Variants in FOXP2 observed in about 807,000 individuals in gnomAD.
FOXP2 encodes forkhead box P2.
In FOXP2, 12 loss-of-function variants were observed where a neutral mutation model predicts 115.8. The observed-to-expected ratio is 0.10, with a 90% confidence interval of 0.07 to 0.17. The LOEUF is 0.17. FOXP2 is among the 10% of genes least tolerant of loss of function. The probability of loss-of-function intolerance (pLI) is 1.00; values close to 1 mark genes in which losing one functional copy is unlikely to be tolerated. For missense variants in FOXP2, 629 were observed against 843.5 expected (o/e 0.75, Z 3.15); for synonymous variants, 328 against 297.7 (o/e 1.10, Z -1.05).
chr7:114,199,770 A>C (rs1320047837), intron 1 of FOXP2, among the ~76,000 whole-genome samples: 3 of 152,248 alleles, frequency 2.0e-5, no homozygotes. Context: ...AAAGTTTTAC[A>C]TGTGTAGATG....
At chr7:114,160,782 C>CTGTGTGTGTGTGTGTGTGTG (rs34540150), upstream of FOXP2, among the ~76,000 whole-genome samples, 1 of 147,260 alleles carries the variant, frequency 6.8e-6, no homozygotes, top group African/African-American at 2.5e-5. Flanking sequence ...AGTATATTTT[C>CTGTGTGTGTGTGTGTGTGTG]TGTGTGTGTG....
At chr7:114,330,909 A>T (rs537137764) in intron 2 of FOXP2, among the ~76,000 whole-genome samples, 1 of 152,216 alleles carries the variant, frequency 6.6e-6, no homozygotes, top group South Asian at 2.1e-4. Context: ...TCAAACCCAG[A>T]CTCCTCCTGT....
chr7:114,245,976 AT>A (rs1420335360), intron 1 of FOXP2, among the ~76,000 whole-genome samples: 1 of 152,162 alleles, frequency 6.6e-6, no homozygotes, highest in Non-Finnish European at 1.5e-5. Flanking sequence ...TATAAAGGTG[AT>A]TGTTCTCTGA....
intron 3 of FOXP2, among the ~76,000 whole-genome samples, chr7:114,536,259 A>G (rs1799386760): frequency 6.6e-6 from 1 of 151,512 alleles, no homozygotes; most frequent in African/African-American, 2.4e-5. Flanking sequence ...TCCTAATTCT[A>G]TTTTATCATA....
chr7:114,188,094 A>T (rs1244647937), intron 1 of FOXP2, among the ~76,000 whole-genome samples: 6 of 152,122 alleles, frequency 3.9e-5, no homozygotes. Flanking sequence ...ACAGAATCTC[A>T]TGGCACCCAA....
intron 1 of FOXP2, among the ~76,000 whole-genome samples, chr7:114,264,738 G>A (rs1449618279): frequency 6.6e-6 from 1 of 152,140 alleles, no homozygotes; most frequent in Non-Finnish European, 1.5e-5. Flanking sequence ...GTATAACCAT[G>A]CAACCAACAT....
intron 1 of FOXP2, among the ~76,000 whole-genome samples, chr7:114,124,991 G>A (rs572829424): frequency 1.3e-5 from 2 of 152,186 alleles, no homozygotes; most frequent in Admixed American, 1.3e-4. Flanking sequence ...TTCCAGCAAT[G>A]CACAGCTAGA....
chr7:114,558,371 T>G (rs761486622), intron 3 of FOXP2, among the ~76,000 whole-genome samples: 1 of 152,222 alleles, frequency 6.6e-6, no homozygotes, highest in African/African-American at 2.4e-5. Context: ...AATCTTTTTA[T>G]GTATTTGAAC....
chr7:114,272,899 T>G (rs1177256409), intron 1 of FOXP2, among the ~76,000 whole-genome samples: 2 of 151,910 alleles, frequency 1.3e-5, no homozygotes, highest in South Asian at 4.1e-4. Context: ...TTTTTACTTT[T>G]GTTGATTTTT....
At chr7:114,458,996 C>T (rs551534616) in intron 2 of FOXP2, among the ~76,000 whole-genome samples, 2 of 152,208 alleles carry the variant, frequency 1.3e-5, no homozygotes, top group African/African-American at 4.8e-5. Flanking sequence ...CTGGGCTTGA[C>T]CTTCCAAGAA....
chr7:114,483,578 A>G (rs1248949102), intron 2 of FOXP2, among the ~76,000 whole-genome samples: 2 of 151,672 alleles, frequency 1.3e-5, no homozygotes, highest in African/African-American at 4.8e-5. Context: ...GACTCTTTCA[A>G]CTGGATGACA....
At chr7:114,453,236 A>T (rs931093371) in intron 2 of FOXP2, among the ~76,000 whole-genome samples, 35 of 152,198 alleles carry the variant, frequency 2.3e-4, no homozygotes, top group African/African-American at 8.2e-4. Context: ...GAGATTTCCT[A>T]TTTGTCAAAA....
intron 1 of FOXP2, among the ~76,000 whole-genome samples, chr7:114,154,308 A>C (rs565269168): frequency 6.6e-6 from 1 of 152,108 alleles, no homozygotes; most frequent in South Asian, 2.1e-4. Flanking sequence ...TCCAAACTCA[A>C]TTGTCAGGGC....
intron 1 of FOXP2, among the ~76,000 whole-genome samples, chr7:114,130,348 A>G (rs1791838611): frequency 6.6e-6 from 1 of 152,112 alleles, no homozygotes; most frequent in Admixed American, 6.6e-5. Flanking sequence ...TACCAGAAAG[A>G]TTTTCTATTA....
At position 114,602,829 on chromosome 7, in the gene FOXP2, G is replaced by A. The variant is rs144815082; in HGVS notation, c.259-25711G>A. 5.3e-5 allele frequency among the ~76,000 whole-genome samples: 8 copies of A among 152,110 alleles called. No individual in the cohort carries two copies. The East Asian group carries it at 1.5e-3, about 29-fold the overall frequency. The stretch of plus-strand genomic sequence containing the variant: ...AAAGACCATTGTATTAAAATCCAAG[G>A]AATCTAGGAATTGGTCTAAAATATG... On this transcript the variant is annotated intron_variant, in intron 3 of 16. Transcript: ENST00000350908.
At chr7:114,440,595 T>G (rs1269491366) in intron 2 of FOXP2, among the ~76,000 whole-genome samples, 1 of 152,234 alleles carries the variant, frequency 6.6e-6, no homozygotes, top group Non-Finnish European at 1.5e-5. Flanking sequence ...TCAATAAAAC[T>G]AATTCAGAAA....
chr7:114,662,094 C>G lies in FOXP2; in HGVS notation c.1677C>G (p.His559Gln). 6.2e-7 allele frequency: 1 copy of G among 1,612,788 alleles called. No homozygotes were observed. The highest frequency in any genetic ancestry group is 8.5e-7 in the Non-Finnish European group (1 of 1,179,138). ...CAGTACGTCATAATCTTAGCCTGCA[C>G]AAGTGTTTTGTTCGAGTAGAAAATG... ...KNAVRHNLSL[H>Q]KCFVRVENVK... Residue 559 changes from histidine (H) to glutamine (Q), a missense_variant, in exon 14 of 17, where the codon CAC becomes CAG. His to Gln is a conservative substitution (Grantham distance 24). Around this residue, in one of 9 missense-constraint regions of FOXP2, gnomAD observed 40 missense variants for 75.3 expected, o/e 0.53. Coordinates refer to ENST00000350908, the MANE Select transcript of FOXP2 (RefSeq NM_014491.4).
intron 2 of FOXP2, among the ~76,000 whole-genome samples, chr7:114,350,685 G>T (rs1791463995): frequency 6.6e-6 from 1 of 152,124 alleles, no homozygotes; most frequent in African/African-American, 2.4e-5. Flanking sequence ...GGGATCCACA[G>T]AAATCAACTT....
rs1447805795 is a variant in FOXP2, at chr7:114,644,695, G to A, written c.1000G>A (p.Glu334Lys). 1 of 1,613,822 alleles carries A rather than the reference G, an allele frequency of 6.2e-7. No individual in the cohort carries two copies. The highest frequency in any genetic ancestry group is 1.1e-5 in the South Asian group (1 of 91,080). ...LSARRDSSSH[E>K]ETGASHTLYG... ...GTTCTTTTGCTACAGCTCGTCACATGAGGAGACTGGGGCCTCTCACACTCT... is the reference window on the plus strand; with the variant it reads ...GTTCTTTTGCTACAGCTCGTCACATAAGGAGACTGGGGCCTCTCACACTCT... The change falls in exon 8 of 17, where the codon GAG (glutamate) becomes AAG (lysine). Residue 334 changes from glutamate (E) to lysine (K), a missense_variant. By Grantham distance (56) the Glu-to-Lys change is moderately conservative. Coordinates refer to ENST00000350908, the MANE Select transcript of FOXP2 (RefSeq NM_014491.4).
Sources: allele counts gnomAD v4.1 joint callset (sites outside exome capture counted in the v4.1 genomes callset), GRCh38; gene constraint gnomAD v4.1.1; regional missense constraint gnomAD v4.1.1; transcripts MANE v1.5; gene names NCBI Gene and HGNC (gene_info 2026-07-23, HGNC 2026-07-21).